The following AOPEP variants were observed in gnomAD, a reference collection of about 807,000 sequenced individuals.
The protein encoded by AOPEP is aminopeptidase O (putative).
In AOPEP, 77 loss-of-function variants were observed where a neutral mutation model predicts 98.1. That is an observed-to-expected ratio of 0.78 (90% confidence interval 0.65 to 0.95). The LOEUF (loss-of-function observed/expected upper bound fraction) is 0.95, where lower values mean the gene tolerates loss of function less well. Ranked by LOEUF, AOPEP falls within the 40% of genes least tolerant of loss-of-function variation. The pLI, the probability that AOPEP is intolerant of heterozygous loss-of-function variation, is 0.00. For missense variants in AOPEP, 1,024 were observed against 1,024.7 expected, an observed-to-expected ratio of 1.00 and a Z score of 0.01; for synonymous variants, 346 against 365.3, an observed-to-expected ratio of 0.95 and a Z score of 0.60.
chr9:95,105,024 A>G, the AOPEP span, among the ~76,000 whole-genome samples: 1 of 152,210 alleles, frequency 6.6e-6, no homozygotes, highest in Non-Finnish European at 1.5e-5. Flanking sequence ...GCATTTTATA[A>G]GAGTACACAA....
rs1415338770 is a variant in AOPEP at position 94,800,970 on chromosome 9, C to T, written c.1332C>T (p.Val444=). ...TCTCTCGGCTGGATGTTCTCATCGT[C>T]CCTGCCAACTTTCCAAGTCTGGGGA... ...HPFSRLDVLI[V]PANFPSLGMA... The change falls in exon 5 of 17, where the codon GTC becomes GTT. Residue 444 remains valine (V), a synonymous_variant. Coordinates refer to ENST00000375315, the MANE Select transcript of AOPEP (RefSeq NM_001193329.3). 1 of 1,614,206 alleles carries T rather than the reference C, an allele frequency of 6.2e-7. No individual in the cohort carries two copies. Among genetic ancestry groups the T allele is most frequent in the Non-Finnish European group, 8.5e-7 (1 of 1,180,022 alleles).
intron 5 of AOPEP, among the ~76,000 whole-genome samples, chr9:94,919,615 A>G (rs1301815102): frequency 6.6e-6 from 1 of 151,958 alleles, no homozygotes; most frequent in Non-Finnish European, 1.5e-5. Context: ...GAGAGTGTTG[A>G]CATACATCAC....
At chr9:95,052,494 T>C (rs2066465622) in intron 13 of AOPEP, among the ~76,000 whole-genome samples, 1 of 152,248 alleles carries the variant, frequency 6.6e-6, no homozygotes, top group Non-Finnish European at 1.5e-5. Flanking sequence ...AACCATATTA[T>C]CACACTGAAT....
intron 5 of AOPEP, among the ~76,000 whole-genome samples, chr9:94,861,692 G>A (rs2045017738): frequency 6.6e-6 from 1 of 152,206 alleles, no homozygotes; most frequent in African/African-American, 2.4e-5. Flanking sequence ...TCCCAGAGAT[G>A]TTATTTACTG....
chr9:95,098,894 TAGGTATTTAGTAGCAAGGTTCCC>T, the AOPEP span, among the ~76,000 whole-genome samples: 2 of 152,256 alleles, frequency 1.3e-5, no homozygotes, highest in Non-Finnish European at 2.9e-5. Context: ...CCTTAGTTTT[TAGGTATTTAGTAGCAAGGTTCCC>T]AGGCCCAGAG....
chr9:94,949,714 C>T (rs1456037217), intron 7 of AOPEP, among the ~76,000 whole-genome samples: 1 of 152,220 alleles, frequency 6.6e-6, no homozygotes, highest in African/African-American at 2.4e-5. Flanking sequence ...GGTAGCACTG[C>T]AAATGCTAGT....
chr9:95,083,486 GCACA>G (rs1022672061), intron 16 of AOPEP, among the ~76,000 whole-genome samples: 3 of 146,900 alleles, frequency 2.0e-5, no homozygotes, highest in African/African-American at 7.6e-5. Context: ...GGCACACGCA[GCACA>G]CACACCACAC....
the AOPEP span, among the ~76,000 whole-genome samples, chr9:95,137,050 T>C: frequency 6.6e-6 from 1 of 152,132 alleles, no homozygotes; most frequent in Non-Finnish European, 1.5e-5. Flanking sequence ...CCCTCCTGTC[T>C]TGCCCCAAGA....
intron 5 of AOPEP, among the ~76,000 whole-genome samples, chr9:94,891,986 A>G (rs139301813): frequency 1.2e-4 from 18 of 152,290 alleles, no homozygotes; most frequent in African/African-American, 3.4e-4. Flanking sequence ...TATTTCTTTC[A>G]GCACTTGAAA....
intron 5 of AOPEP, among the ~76,000 whole-genome samples, chr9:94,843,868 G>A (rs1259517884): frequency 6.6e-6 from 1 of 151,800 alleles, no homozygotes; most frequent in Non-Finnish European, 1.5e-5. Context: ...TGTATGCCTT[G>A]GTGTTATTTT....
intron 13 of AOPEP, among the ~76,000 whole-genome samples, chr9:95,027,547 T>C (rs1460691835): frequency 1.3e-5 from 2 of 152,238 alleles, no homozygotes; most frequent in Admixed American, 6.5e-5. Context: ...CAGTTTGTAT[T>C]TCTGATTATA....
At chr9:95,127,972 C>A in the AOPEP span, among the ~76,000 whole-genome samples, 1 of 152,232 alleles carries the variant, frequency 6.6e-6, no homozygotes, top group Non-Finnish European at 1.5e-5. Context: ...GCTCCCTCAT[C>A]CTTCACTGAT....
the AOPEP span, among the ~76,000 whole-genome samples, chr9:95,105,867 T>C: frequency 2.0e-5 from 3 of 152,232 alleles, no homozygotes; most frequent in African/African-American, 7.2e-5. Context: ...GGTGCATTGC[T>C]TGTCCCTCTA....
intron 13 of AOPEP, among the ~76,000 whole-genome samples, chr9:95,043,251 T>TATATACAG (rs1554814057): frequency 2.5e-4 from 37 of 147,672 alleles, no homozygotes; most frequent in South Asian, 1.7e-3. Flanking sequence ...TATATACAGA[T>TATATACAG]ATATATATAC....
At chr9:94,777,485 G>A (rs1842384486) in intron 3 of AOPEP, among the ~76,000 whole-genome samples, 1 of 151,584 alleles carries the variant, frequency 6.6e-6, no homozygotes, top group Admixed American at 6.6e-5. Flanking sequence ...AATCTCTACT[G>A]CTGAAATTAG....
chr9:95,051,080 T>C (rs4744428), intron 13 of AOPEP, among the ~76,000 whole-genome samples: 110,863 of 147,238 alleles, frequency 0.75, 44,315 homozygotes, highest in Non-Finnish European at 0.89. Flanking sequence ...AAAATGTTTT[T>C]GTGGCTTACT....
At position 94,834,572 on chromosome 9, in the gene AOPEP, C is replaced by T. The variant is rs931971865; in HGVS notation, c.1364+33570C>T. ...CTTTGGGAGTCTGAGGCAGGTGAAT[C>T]GCTTGAGGCCAGTAGTTCCAGATCA... On this transcript the variant is annotated intron_variant, in intron 5 of 16. Transcript: ENST00000375315. 4.6e-5 allele frequency among the ~76,000 whole-genome samples: 7 copies of T among 152,224 alleles called. No homozygotes were observed. In the South Asian group the frequency reaches 1.0e-3, roughly 23 times the overall value.
chr9:95,122,210 G>A, the AOPEP span, among the ~76,000 whole-genome samples: 16 of 152,142 alleles, frequency 1.1e-4, no homozygotes, highest in African/African-American at 3.1e-4. Flanking sequence ...GGAGGAGCAC[G>A]TGGATAGACA....
chr9:94,749,397 G>C lies in AOPEP; in HGVS notation c.-135-10252G>C, dbSNP rs149657948. Among the ~76,000 whole-genome samples, 60 of 152,210 alleles carry C rather than the reference G, an allele frequency of 3.9e-4. 1 individual carries two copies. The highest frequency in any genetic ancestry group is 6.8e-4 in the Non-Finnish European group (46 of 68,000). ...CCTGAGAATCAGCCATGTCTCCAAG[G>C]AGGGCTGTTTCCTTTTGTTGGAAAA... On this transcript the variant is annotated intron_variant, in intron 1 of 16. Transcript: ENST00000375315.
Sources: gnomAD v4.1 joint callset for allele counts (sites outside exome capture counted in the v4.1 genomes callset) on GRCh38, gnomAD v4.1.1 for gene constraint, MANE v1.5 for transcripts, NCBI Gene and HGNC (gene_info 2026-07-23, HGNC 2026-07-21) for gene names.